BACH2: variants seen among roughly 807,000 people sequenced by gnomAD.
BACH2 encodes BACH transcriptional regulator 2.
A neutral mutation model predicts 61.8 loss-of-function variants in BACH2; 5 were observed. That is an observed-to-expected ratio of 0.08 (90% CI 0.04 to 0.17). The LOEUF (loss-of-function observed/expected upper bound fraction) is 0.17, where lower values mean the gene tolerates loss of function less well. BACH2 is among the 10% of genes least tolerant of loss of function. BACH2 has a pLI of 1.00. For missense variants in BACH2, 824 were observed against 1,091.1 expected (o/e 0.76, Z 3.45); for synonymous variants, 446 against 440.1 (o/e 1.01, Z -0.17).
chr6:90,243,510 A>G (rs1770527638), intron 3 of BACH2, among the ~76,000 whole-genome samples: 1 of 152,182 alleles, frequency 6.6e-6, no homozygotes, highest in South Asian at 2.1e-4. Context: ...AGATCACAAA[A>G]GTTTTGTCCT....
At chr6:90,013,699 A>T (rs146137481) in intron 5 of BACH2, among the ~76,000 whole-genome samples, 13 of 151,726 alleles carry the variant, frequency 8.6e-5, no homozygotes, top group Middle Eastern at 3.4e-3. Context: ...TAGTAGAGAC[A>T]GGGTTTCACC....
At chr6:90,246,641 T>G (rs953199278) in intron 3 of BACH2, among the ~76,000 whole-genome samples, 1 of 152,116 alleles carries the variant, frequency 6.6e-6, no homozygotes, top group African/African-American at 2.4e-5. Flanking sequence ...GAAAAATGAG[T>G]ACATATAAAA....
At chr6:90,247,205 T>C (rs1373772624) in intron 3 of BACH2, among the ~76,000 whole-genome samples, 2 of 152,080 alleles carry the variant, frequency 1.3e-5, no homozygotes, top group South Asian at 4.1e-4. Flanking sequence ...ACATTTGACA[T>C]GTAATATATT....
chr6:90,123,629 G>A (rs1330651873), intron 4 of BACH2, among the ~76,000 whole-genome samples: 5 of 151,468 alleles, frequency 3.3e-5, no homozygotes, highest in Non-Finnish European at 7.4e-5. Context: ...AATTAGCCGG[G>A]CGTAGTGGCG....
intron 6 of BACH2, among the ~76,000 whole-genome samples, chr6:89,977,454 AC>A (rs1303708512): frequency 1.3e-5 from 2 of 152,186 alleles, no homozygotes; most frequent in Non-Finnish European, 2.9e-5. Context: ...GGGTAAAAAA[AC>A]ATTTCATCTT....
At chr6:90,080,674 T>A in intron 5 of BACH2, 1 of 840,514 alleles carries the variant, frequency 1.2e-6, no homozygotes, top group Non-Finnish European at 1.4e-6. Context: ...CAGGTAACAA[T>A]TAATATTTAA....
intron 6 of BACH2, among the ~76,000 whole-genome samples, chr6:89,985,602 C>T (rs907680416): frequency 6.6e-6 from 1 of 152,202 alleles, no homozygotes; most frequent in Non-Finnish European, 1.5e-5. Context: ...CTCCAGAGGG[C>T]CTCAGCTGGG....
At chr6:90,112,323 A>G (rs1783209219) in intron 4 of BACH2, among the ~76,000 whole-genome samples, 1 of 152,210 alleles carries the variant, frequency 6.6e-6, no homozygotes, top group Admixed American at 6.5e-5. Context: ...GGTTGAAATG[A>G]AAGAAAGAAT....
chr6:90,062,772 T>C (rs997387476), intron 5 of BACH2: 17 of 241,714 alleles, frequency 7.0e-5, no homozygotes, highest in African/African-American at 1.6e-4. Context: ...TTTTTTTTTT[T>C]CCCTAAAGTG....
In BACH2 at chr6:90,014,900, C is replaced by T. The variant is rs191179209; in HGVS notation, c.-12-6044G>A. 3.0e-3 allele frequency among the ~76,000 whole-genome samples: 461 copies of T among 151,806 alleles called. 4 individuals are homozygous for T. Among genetic ancestry groups the T allele is most frequent in the Non-Finnish European group, 1.6e-3 (111 of 67,952 alleles). ...GCTCATGTGACCTTCCTGTCTCAGG[C>T]TCCTGAGTAACTAGGACTATAGGCC... On this transcript the variant is annotated intron_variant, in intron 5 of 8. Coordinates refer to ENST00000257749, the MANE Select transcript of BACH2 (RefSeq NM_021813.4).
At chr6:89,978,633 T>TAAAAAAA (rs753724278) in intron 6 of BACH2, among the ~76,000 whole-genome samples, 2 of 86,034 alleles carry the variant, frequency 2.3e-5, no homozygotes, top group Admixed American at 1.4e-4. Context: ...GTGTTGGCTT[T>TAAAAAAA]AAAAAAAAAA....
Position 89,988,560 on chromosome 6 carries a change from A to C in BACH2, c.243+20042T>G, listed in dbSNP as rs75598738. On this transcript the variant is annotated intron_variant, in intron 6 of 8. Transcript: ENST00000257749. Reference sequence around the variant, plus strand: ...GACAGGTTTTAGGACAGAACCGGGTAATCTCAGAATCTTTGCTAACAAATG... The same window carrying C: ...GACAGGTTTTAGGACAGAACCGGGTCATCTCAGAATCTTTGCTAACAAATG... 9.8e-3 allele frequency among the ~76,000 whole-genome samples: 1,492 copies of C among 152,324 alleles called. 33 individuals carry two copies. The highest frequency in any genetic ancestry group is 0.034 in the African/African-American group (1,424 of 41,552).
At chr6:90,197,285 A>G (rs1768791744) in intron 4 of BACH2, among the ~76,000 whole-genome samples, 1 of 152,230 alleles carries the variant, frequency 6.6e-6, no homozygotes, top group African/African-American at 2.4e-5. Flanking sequence ...TAAATTAATA[A>G]ACTGGATTGG....
At chr6:90,084,618 A>G (rs1300205785) in intron 5 of BACH2, among the ~76,000 whole-genome samples, 1 of 151,730 alleles carries the variant, frequency 6.6e-6, no homozygotes, top group Non-Finnish European at 1.5e-5. Flanking sequence ...CTGTTTTCCA[A>G]TACCTAAGTG....
chr6:90,282,032 A>G (rs575721200), intron 1 of BACH2, among the ~76,000 whole-genome samples: 2 of 152,140 alleles, frequency 1.3e-5, no homozygotes, highest in South Asian at 2.1e-4. Context: ...TCATTGCCAA[A>G]TAGTATCACA....
rs79110995 is a variant in BACH2, at chr6:90,194,413, G to A, written c.-162+12156C>T. Among the ~76,000 whole-genome samples, 1,041 of 152,078 alleles carry A rather than the reference G, an allele frequency of 6.8e-3. 13 individuals are homozygous for A. The highest frequency in any genetic ancestry group is 0.024 in the African/African-American group (977 of 41,468). Reference sequence around the variant, plus strand: ...TATAGTTCAAAATACCTCAAAAGCCGAGCTGGCAGCTGGCTTCTCATGTTT... The same window carrying A: ...TATAGTTCAAAATACCTCAAAAGCCAAGCTGGCAGCTGGCTTCTCATGTTT... On this transcript the variant is annotated intron_variant, in intron 4 of 8. Coordinates refer to ENST00000257749, the MANE Select transcript of BACH2 (RefSeq NM_021813.4).
At position 90,122,015 on chromosome 6, in the gene BACH2, G is replaced by C. The variant is rs1582389275; in HGVS notation, c.-161-32906C>G. Among the ~76,000 whole-genome samples, 3 of 152,294 alleles carry C rather than the reference G, an allele frequency of 2.0e-5. No individual in the cohort carries two copies. In the South Asian group the frequency reaches 6.2e-4, roughly 32 times the overall value. Reference sequence around the variant, plus strand: ...CAATGAATATGACCCTTCCAAGTAAGAAAGGCTGAACCTTTCCAGCTGTAA... The same window carrying C: ...CAATGAATATGACCCTTCCAAGTAACAAAGGCTGAACCTTTCCAGCTGTAA... On this transcript the variant is annotated intron_variant, in intron 4 of 8. Coordinates refer to ENST00000257749, the MANE Select transcript of BACH2 (RefSeq NM_021813.4).
rs147384026 is a variant in BACH2, at chr6:90,046,021, ATC to A, written c.-12-37167_-12-37166del. 7.7e-3 allele frequency among the ~76,000 whole-genome samples: 1,173 copies of A among 152,202 alleles called. 21 individuals are homozygous for A. The highest frequency in any genetic ancestry group is 0.027 in the African/African-American group (1,119 of 41,508). On this transcript the variant is annotated intron_variant, in intron 5 of 8. Coordinates refer to ENST00000257749, the MANE Select transcript of BACH2 (RefSeq NM_021813.4). ...ACTATGATCAAAGATATTCCTCTGTATCTCTGTGTAATACTCAAAACAGGAAA... is the reference window on the plus strand; with the variant it reads ...ACTATGATCAAAGATATTCCTCTGTATCTGTGTAATACTCAAAACAGGAAA...
At chr6:90,225,218 T>G (rs574830561) in intron 3 of BACH2, among the ~76,000 whole-genome samples, 135 of 151,948 alleles carry the variant, frequency 8.9e-4, no homozygotes, top group African/African-American at 3.2e-3. Flanking sequence ...AACTCTCTAC[T>G]AAAATACAAA....
Sources: allele counts gnomAD v4.1 joint callset (sites outside exome capture counted in the v4.1 genomes callset), GRCh38; gene constraint gnomAD v4.1.1; transcripts MANE v1.5; gene names NCBI Gene and HGNC (gene_info 2026-07-23, HGNC 2026-07-21).